Variants in PTGER3 observed in about 807,000 individuals in gnomAD.
The protein encoded by PTGER3 is prostaglandin E2 receptor EP3 subtype.
PTGER3 carries 22 observed loss-of-function variants against 34.7 expected under a neutral mutation model. The observed-to-expected ratio is 0.63, with a 90% confidence interval of 0.45 to 0.91. The LOEUF is 0.91. Ranked by LOEUF, PTGER3 falls within the 40% of genes least tolerant of loss-of-function variation. The pLI is 0.00. For missense variants in PTGER3, 468 were observed against 519.4 expected (o/e 0.90, Z 0.96); for synonymous variants, 241 against 230.1 (o/e 1.05, Z -0.43).
chr1:70,894,034 A>G (rs1420121688), intron 4 of PTGER3, among the ~76,000 whole-genome samples: 1 of 152,202 alleles, frequency 6.6e-6, no homozygotes, highest in Non-Finnish European at 1.5e-5. Context: ...TAGGTGGGAC[A>G]TGGTGGCTCA....
intron 3 of PTGER3, among the ~76,000 whole-genome samples, chr1:70,953,578 G>A (rs1355628082): frequency 6.6e-6 from 1 of 152,144 alleles, no homozygotes; most frequent in East Asian, 1.9e-4. Flanking sequence ...GGGATTTGTT[G>A]TTGTTGTTGC....
downstream of PTGER3, among the ~76,000 whole-genome samples, chr1:70,949,942 A>G (rs1650589789): frequency 6.6e-6 from 1 of 151,964 alleles, no homozygotes; most frequent in Non-Finnish European, 1.5e-5. Flanking sequence ...ATCCAGATCA[A>G]CATTAAGAAT....
chr1:71,007,948 C>T, intron 2 of PTGER3: 1 of 985,142 alleles, frequency 1.0e-6, no homozygotes, highest in Non-Finnish European at 1.2e-6. Context: ...TGATCTCTTT[C>T]CTTCTTATCT....
At chr1:71,004,447 T>C (rs913811458) in intron 2 of PTGER3, among the ~76,000 whole-genome samples, 6 of 152,200 alleles carry the variant, frequency 3.9e-5, no homozygotes, top group Non-Finnish European at 8.8e-5. Context: ...TCAAGAGACA[T>C]TGCCCAATAT....
chr1:70,922,701 A>C (rs1484655117), intron 4 of PTGER3, among the ~76,000 whole-genome samples: 1 of 152,250 alleles, frequency 6.6e-6, no homozygotes, highest in East Asian at 1.9e-4. Context: ...AGTTCTATAC[A>C]CAAGGGATGT....
At chr1:71,024,028 C>A (rs765391157) in intron 1 of PTGER3, among the ~76,000 whole-genome samples, 2 of 149,684 alleles carry the variant, frequency 1.3e-5, no homozygotes, top group Non-Finnish European at 2.9e-5. Flanking sequence ...CAAAGTCCTT[C>A]ATTTATACAC....
intron 4 of PTGER3, among the ~76,000 whole-genome samples, chr1:70,936,334 A>G (rs560641750): frequency 4.6e-5 from 7 of 152,340 alleles, no homozygotes; most frequent in Admixed American, 4.6e-4. Context: ...TAGCACACAC[A>G]AAAGTGTAGA....
downstream of PTGER3, among the ~76,000 whole-genome samples, chr1:70,949,793 G>A (rs745814057): frequency 5.9e-5 from 9 of 152,134 alleles, no homozygotes; most frequent in Non-Finnish European, 1.2e-4. Context: ...GTAGTTACAT[G>A]TGGCTACCAA....
chr1:70,887,355 A>C (rs745564671), intron 4 of PTGER3, among the ~76,000 whole-genome samples: 21 of 152,046 alleles, frequency 1.4e-4, no homozygotes, highest in Non-Finnish European at 3.1e-4. Context: ...GTCTGCTTTG[A>C]TCTCCAAGCT....
intron 4 of PTGER3, among the ~76,000 whole-genome samples, chr1:70,894,763 T>G (rs577897861): frequency 6.6e-6 from 1 of 152,332 alleles, no homozygotes; most frequent in South Asian, 2.1e-4. Context: ...TGTGAATCCT[T>G]ATAACAGTCT....
chr1:70,907,435 C>G (rs140565773), intron 4 of PTGER3, among the ~76,000 whole-genome samples: 1 of 152,184 alleles, frequency 6.6e-6, no homozygotes. Flanking sequence ...GGACATGATG[C>G]GAAAGCCAGA....
intron 4 of PTGER3, among the ~76,000 whole-genome samples, chr1:70,943,908 A>C (rs1290230028): frequency 6.7e-6 from 1 of 150,176 alleles, no homozygotes; most frequent in Non-Finnish European, 1.5e-5. Context: ...TCATTTTCTC[A>C]TTTCGGTTCC....
intron 2 of PTGER3, among the ~76,000 whole-genome samples, chr1:70,960,710 T>A (rs1212253340): frequency 6.6e-6 from 1 of 151,994 alleles, no homozygotes; most frequent in Non-Finnish European, 1.5e-5. Flanking sequence ...CCTTGATCAG[T>A]GGGAAAGTTA....
chr1:70,873,699 G>A (rs549406853), intron 4 of PTGER3, among the ~76,000 whole-genome samples: 38 of 150,536 alleles, frequency 2.5e-4, no homozygotes, highest in South Asian at 1.3e-3. Flanking sequence ...CCAGGCTGGA[G>A]TGCAATGGCA....
chr1:70,943,914 G>A (rs1649988890), intron 4 of PTGER3, among the ~76,000 whole-genome samples: 1 of 151,148 alleles, frequency 6.6e-6, no homozygotes, highest in African/African-American at 2.4e-5. Flanking sequence ...TCTCATTTCG[G>A]TTCCTTATGA....
rs1659503933 is a variant in PTGER3, at chr1:71,032,598, G to A, written c.897+14083C>T. 2.0e-5 allele frequency among the ~76,000 whole-genome samples: 3 copies of A among 152,318 alleles called. 1 individual carries two copies. The highest frequency in any genetic ancestry group is 4.1e-4 in the South Asian group (2 of 4,828). ...GTTCCTTAGGAGCAGAGCCTGAAGT[G>A]GGGATTCTGATACATAGCAAGAAGC... On this transcript the variant is annotated intron_variant, in intron 1 of 3. Transcript: ENST00000306666.
rs192322058 is a variant in PTGER3, at chr1:70,869,430, G to A, written c.*24-16571C>T. The A allele has an allele frequency of 2.5e-4, 92 of 362,308 alleles. 1 individual carries two copies. In the Admixed American group the frequency reaches 2.9e-3, roughly 11 times the overall value. The allele number at this position is 362,308 out of a possible 1,614,324, so 22.4% of individuals were successfully genotyped here. A position where few individuals can be genotyped will look rare whatever the true frequency, so the allele number is the denominator to read the frequency against. On this transcript the variant is annotated intron_variant, in intron 4 of 4. Coordinates refer to the PTGER3 transcript ENST00000370931. ...AAATCTCACATCCTTCTCATGCTGC[G>A]AAATACAGTCATGACTTCTCAATAG...
intron 4 of PTGER3, among the ~76,000 whole-genome samples, chr1:70,936,021 C>T (rs994151865): frequency 6.6e-6 from 1 of 152,068 alleles, no homozygotes; most frequent in African/African-American, 2.4e-5. Flanking sequence ...CAATACGTAA[C>T]AAGTTTCTAG....
At chr1:70,893,946 T>C (rs1037827826) in intron 4 of PTGER3, among the ~76,000 whole-genome samples, 1 of 152,206 alleles carries the variant, frequency 6.6e-6, no homozygotes. Context: ...AACAGCCTTA[T>C]TACAAAATAA....
Sources: gnomAD v4.1 joint callset for allele counts (sites outside exome capture counted in the v4.1 genomes callset) on GRCh38, gnomAD v4.1.1 for gene constraint, MANE v1.5 for transcripts, NCBI Gene and HGNC (gene_info 2026-07-23, HGNC 2026-07-21) for gene names.